The following CTNNA2 variants were observed in gnomAD, a reference collection of about 807,000 sequenced individuals.
CTNNA2 encodes the protein catenin alpha 2.
Under a neutral mutation model 101.0 loss-of-function variants are expected in CTNNA2, and 42 were observed. The ratio of observed to expected loss-of-function variants is 0.42; its 90% CI spans 0.32 to 0.54. The LOEUF (loss-of-function observed/expected upper bound fraction) is 0.54, where lower values mean the gene tolerates loss of function less well. Among genes scored for constraint, CTNNA2 ranks in the 20% least tolerant of loss-of-function variants. The pLI is 0.14. For missense variants in CTNNA2, 871 were observed against 1,223.1 expected, an observed-to-expected ratio of 0.71 and a Z score of 4.29; for synonymous variants, 450 against 456.4, an observed-to-expected ratio of 0.99 and a Z score of 0.18.
At chr2:80,250,041 G>A (rs1671633437) in intron 7 of CTNNA2, among the ~76,000 whole-genome samples, 1 of 151,988 alleles carries the variant, frequency 6.6e-6, no homozygotes, top group African/African-American at 2.4e-5. Flanking sequence ...ATACAAGATG[G>A]AATCATTTGC....
chr2:80,554,788 A>T (rs1362066758), intron 11 of CTNNA2, among the ~76,000 whole-genome samples: 4 of 152,186 alleles, frequency 2.6e-5, no homozygotes, highest in Admixed American at 2.6e-4. Flanking sequence ...TGTTCAGCTT[A>T]TTTACAAAGA....
chr2:79,798,916 G>A (rs1056888484), intron 3 of CTNNA2, among the ~76,000 whole-genome samples: 3 of 152,182 alleles, frequency 2.0e-5, no homozygotes, highest in African/African-American at 7.2e-5. Flanking sequence ...GAATCTCACA[G>A]TGTTCCAAGG....
At position 79,936,192 on chromosome 2, in the gene CTNNA2, C is replaced by T. The variant is rs554027607; in HGVS notation, c.1056+26395C>T. ...TTTTTTTTTTCTTTCTGAGGCAGTA[C>T]TCGTTTCCTCAGTATTTCTGAGTTT... On this transcript the variant is annotated intron_variant, in intron 7 of 18. Transcript: ENST00000402739. Among the ~76,000 whole-genome samples the T allele has an allele frequency of 2.5e-3, 374 of 151,116 alleles. 1 individual carries two copies. The highest frequency in any genetic ancestry group is 4.7e-3 in the Non-Finnish European group (317 of 67,878).
chr2:80,420,940 A>C (rs1019983659), intron 9 of CTNNA2, among the ~76,000 whole-genome samples: 1 of 152,198 alleles, frequency 6.6e-6, no homozygotes, highest in Non-Finnish European at 1.5e-5. Flanking sequence ...ATACAATATC[A>C]AAGCAGTTTT....
chr2:79,492,456 T>C (rs139718153), intron 4 of CTNNA2, among the ~76,000 whole-genome samples: 88 of 152,080 alleles, frequency 5.8e-4, no homozygotes, highest in African/African-American at 2.1e-3. Flanking sequence ...TAATTATGTT[T>C]TGAAATGTGA....
chr2:80,087,459 C>T (rs1476694757), intron 7 of CTNNA2, among the ~76,000 whole-genome samples: 1 of 152,016 alleles, frequency 6.6e-6, no homozygotes, highest in East Asian at 1.9e-4. Context: ...AATCCATAAG[C>T]AGGTATGCAG....
At chr2:79,522,745 C>G (rs975944087) in intron 1 of CTNNA2, among the ~76,000 whole-genome samples, 2 of 152,054 alleles carry the variant, frequency 1.3e-5, no homozygotes, top group African/African-American at 4.8e-5. Context: ...GATAACTACT[C>G]GGTAGGTAGC....
intron 12 of CTNNA2, among the ~76,000 whole-genome samples, chr2:80,562,721 A>G (rs1167070748): frequency 6.6e-6 from 1 of 152,150 alleles, no homozygotes; most frequent in African/African-American, 2.4e-5. Context: ...ATTATGGTCT[A>G]ATCACACAGT....
intron 3 of CTNNA2, among the ~76,000 whole-genome samples, chr2:79,336,605 C>G (rs1676999608): frequency 6.6e-6 from 1 of 152,104 alleles, no homozygotes; most frequent in African/African-American, 2.4e-5. Context: ...ATTAATATCC[C>G]TATTATAGTA....
At position 80,309,546 on chromosome 2, in the gene CTNNA2, C is replaced by T. The variant is rs74745168; in HGVS notation, c.1057-83665C>T. On this transcript the variant is annotated intron_variant, in intron 7 of 18. Coordinates refer to ENST00000402739, the MANE Select transcript of CTNNA2 (RefSeq NM_001282597.3). Reference sequence around the variant, plus strand: ...GATTTCTGCTTTGCCACTTTTTAATCGGTATAACCCTATACAAGTCACTTC... The same window carrying T: ...GATTTCTGCTTTGCCACTTTTTAATTGGTATAACCCTATACAAGTCACTTC... Among the ~76,000 whole-genome samples the T allele has an allele frequency of 1.2e-3, 179 of 152,174 alleles. 1 individual carries two copies. Among genetic ancestry groups the T allele is most frequent in the Admixed American group, 3.1e-3 (48 of 15,290 alleles).
intron 14 of CTNNA2, among the ~76,000 whole-genome samples, chr2:80,582,125 T>C (rs1422343992): frequency 1.3e-5 from 2 of 152,154 alleles, no homozygotes; most frequent in Non-Finnish European, 2.9e-5. Flanking sequence ...GATAGACTGA[T>C]AGGGGACACT....
At chr2:79,493,024 A>T (rs912422460) in intron 4 of CTNNA2, among the ~76,000 whole-genome samples, 1 of 152,210 alleles carries the variant, frequency 6.6e-6, no homozygotes, top group Non-Finnish European at 1.5e-5. Context: ...TCATTATAAG[A>T]ACCATCAACA....
At chr2:80,558,484 GTGTATA>G (rs1558585357) in intron 12 of CTNNA2, among the ~76,000 whole-genome samples, 98 of 69,884 alleles carry the variant, frequency 1.4e-3, no homozygotes, top group Middle Eastern at 0.025. Flanking sequence ...GTGTGTGTGT[GTGTATA>G]TATATATGTT....
At chr2:80,472,457 G>A (rs1685387958) in intron 9 of CTNNA2, among the ~76,000 whole-genome samples, 1 of 152,166 alleles carries the variant, frequency 6.6e-6, no homozygotes, top group African/African-American at 2.4e-5. Flanking sequence ...TGGGAAGATG[G>A]TATCTTGGCA....
At chr2:79,440,415 T>C (rs1456042516) in intron 4 of CTNNA2, among the ~76,000 whole-genome samples, 3 of 152,158 alleles carry the variant, frequency 2.0e-5, no homozygotes, top group Non-Finnish European at 2.9e-5. Context: ...ATTCAGTATT[T>C]TACTGGCCCT....
At chr2:79,409,307 C>T (rs34687327) in intron 4 of CTNNA2, among the ~76,000 whole-genome samples, 1 of 151,402 alleles carries the variant, frequency 6.6e-6, no homozygotes, top group Non-Finnish European at 1.5e-5. Flanking sequence ...AGTTTAATTA[C>T]ATCCCATTTG....
chr2:80,162,572 G>T, intron 7 of CTNNA2: 1 of 1,609,932 alleles, frequency 6.2e-7, no homozygotes, highest in South Asian at 1.1e-5. Context: ...TGTAATGATG[G>T]TCAGACCCAT....
At chr2:79,781,904 A>G (rs554095516) in intron 3 of CTNNA2, among the ~76,000 whole-genome samples, 5 of 152,228 alleles carry the variant, frequency 3.3e-5, no homozygotes, top group Non-Finnish European at 7.3e-5. Context: ...TAAACTCTAC[A>G]TAAGAACTGT....
chr2:80,210,511 G>A (rs1442651783), intron 7 of CTNNA2, among the ~76,000 whole-genome samples: 2 of 152,086 alleles, frequency 1.3e-5, no homozygotes, highest in South Asian at 2.1e-4. Flanking sequence ...ATGGTTTCCA[G>A]CTTCATCCAT....
Sources: gnomAD v4.1 joint callset for allele counts (sites outside exome capture counted in the v4.1 genomes callset) on GRCh38, gnomAD v4.1.1 for gene constraint, MANE v1.5 for transcripts, NCBI Gene and HGNC (gene_info 2026-07-23, HGNC 2026-07-21) for gene names.